Variants in GNA13 observed in about 807,000 individuals in gnomAD.
GNA13 encodes guanine nucleotide-binding protein subunit alpha-13.
In GNA13, 4 loss-of-function variants were observed where a neutral mutation model predicts 33.5. The observed-to-expected ratio is 0.12, with a 90% CI of 0.06 to 0.27. GNA13 has a LOEUF of 0.27. GNA13 is among the 10% of genes least tolerant of loss of function. GNA13 has a pLI of 1.00. For missense variants in GNA13, 319 were observed against 487.2 expected, an observed-to-expected ratio of 0.65 and a Z score of 3.25; for synonymous variants, 176 against 183.8, an observed-to-expected ratio of 0.96 and a Z score of 0.34.
At chr17:65,015,382 G>A (rs1038280391) in intron 3 of GNA13, among the ~76,000 whole-genome samples, 1 of 151,976 alleles carries the variant, frequency 6.6e-6, no homozygotes, top group East Asian at 1.9e-4. Context: ...AGCAATGGGG[G>A]CTGGGCGCGA....
At chr17:65,024,248 T>C (rs141459667) in intron 2 of GNA13, among the ~76,000 whole-genome samples, 1 of 152,198 alleles carries the variant, frequency 6.6e-6, no homozygotes, top group Non-Finnish European at 1.5e-5. Context: ...CAAGACCTTC[T>C]CCAAAAAATA....
intron 2 of GNA13, among the ~76,000 whole-genome samples, chr17:65,029,327 A>G (rs1306343902): frequency 6.6e-6 from 1 of 152,024 alleles, no homozygotes; most frequent in Non-Finnish European, 1.5e-5. Flanking sequence ...TCTGCCTAAC[A>G]CCATTTCCCC....
At chr17:65,024,702 G>A (rs1044420894) in intron 2 of GNA13, among the ~76,000 whole-genome samples, 3 of 152,146 alleles carry the variant, frequency 2.0e-5, no homozygotes, top group Admixed American at 6.5e-5. Context: ...AGCAAGTTCC[G>A]AGAGAAGTGA....
Position 65,010,792 on chromosome 17 carries a change from G to A in GNA13, c.*3465C>T. 2 of 211,276 alleles carry A rather than the reference G, an allele frequency of 9.5e-6. No homozygotes were observed. Among genetic ancestry groups the A allele is most frequent in the African/African-American group, 2.3e-5 (1 of 44,240 alleles). 13.1% of individuals were successfully genotyped at this position (211,276 alleles called of 1,614,324 possible). On this transcript the variant is annotated 3_prime_UTR_variant, in exon 4 of 4. Transcript: ENST00000439174. ...GGCATGATTTCACGGATTCAAACAAGAAATTAACACTGATATTTAGCCTTC... is the reference window on the plus strand; with the variant it reads ...GGCATGATTTCACGGATTCAAACAAAAAATTAACACTGATATTTAGCCTTC...
At chr17:65,025,918 C>T (rs1287326275) in intron 2 of GNA13, among the ~76,000 whole-genome samples, 1 of 151,610 alleles carries the variant, frequency 6.6e-6, no homozygotes, top group East Asian at 1.9e-4. Flanking sequence ...CCTAGGAGTT[C>T]AAGACTGCAG....
chr17:65,027,562 T>C (rs1231541890), intron 2 of GNA13, among the ~76,000 whole-genome samples: 1 of 152,228 alleles, frequency 6.6e-6, no homozygotes, highest in Non-Finnish European at 1.5e-5. Flanking sequence ...TCTGTGTACT[T>C]GTTTTATTTC....
rs1357700388 is a variant in GNA13 at position 65,010,830 on chromosome 17, C to G, written c.*3427G>C. ...ATATTTAGCCTTCTCATGACATACA[C>G]AGAAATAACATTGCTACAAACTGCA... On this transcript the variant is annotated 3_prime_UTR_variant, in exon 4 of 4. Coordinates refer to ENST00000439174, the MANE Select transcript of GNA13 (RefSeq NM_006572.6). The G allele has an allele frequency of 4.8e-6, 1 of 210,216 alleles. No individual in the cohort carries two copies. The highest frequency in any genetic ancestry group is 2.3e-5 in the African/African-American group (1 of 44,104). The allele number at this position is 210,216 out of a possible 1,614,324, so 13.0% of individuals were successfully genotyped here.
chr17:65,014,088 C>T lies in GNA13; in HGVS notation c.*169G>A. On this transcript the variant is annotated 3_prime_UTR_variant, in exon 4 of 4. Coordinates refer to ENST00000439174, the MANE Select transcript of GNA13 (RefSeq NM_006572.6). The surrounding 1 kb of genome is among the most constrained non-coding windows in gnomAD (Gnocchi z 5.3). ...ATCTTGGCGATGAGTCACTCAACAGCTTTCAGCCACAAACCAAAGGCCGCA... is the reference window on the plus strand; with the variant it reads ...ATCTTGGCGATGAGTCACTCAACAGTTTTCAGCCACAAACCAAAGGCCGCA... The T allele has an allele frequency of 1.7e-6, 1 of 583,562 alleles. No homozygotes were observed. Among genetic ancestry groups the T allele is most frequent in the Non-Finnish European group, 3.0e-6 (1 of 329,562 alleles). 36.1% of individuals were successfully genotyped at this position (583,562 alleles called of 1,614,324 possible).
chr17:65,017,179 T>C (rs1228611696), intron 3 of GNA13, among the ~76,000 whole-genome samples: 1 of 152,212 alleles, frequency 6.6e-6, no homozygotes, highest in Non-Finnish European at 1.5e-5. Context: ...AACATACACC[T>C]ATGCCAGCTC....
chr17:65,014,505 G>C lies in GNA13; in HGVS notation c.886C>G (p.Leu296Val). The C allele has an allele frequency of 6.2e-7, 1 of 1,613,638 alleles. No individual in the cohort carries two copies. The highest frequency in any genetic ancestry group is 8.5e-7 in the Non-Finnish European group (1 of 1,179,542). ...CTCACAATTTGCACCTTCTCCTCAA[G>C]CAAGTCTGTCTTGTTTAAGAACAGA... ...IILFLNKTDLLEEKVQIVSIK... is the reference protein window; with the variant it reads ...IILFLNKTDLVEEKVQIVSIK... Residue 296 changes from leucine to valine, a missense_variant, in exon 4 of 4, where the codon CTT becomes GTT. This residue lies in a region of GNA13 where 134 missense variants were observed against 241.3 expected (regional missense o/e 0.56). Coordinates refer to ENST00000439174, the MANE Select transcript of GNA13 (RefSeq NM_006572.6). The surrounding 1 kb of genome is among the most constrained non-coding windows in gnomAD (Gnocchi z 5.3).
intron 1 of GNA13, among the ~76,000 whole-genome samples, chr17:65,054,280 A>G (rs1019861807): frequency 2.0e-5 from 3 of 152,270 alleles, no homozygotes; most frequent in African/African-American, 7.2e-5. Flanking sequence ...TTTAAGTTAC[A>G]GGATGGCCTT....
chr17:65,028,739 A>C (rs1434439085), intron 2 of GNA13, among the ~76,000 whole-genome samples: 1 of 152,056 alleles, frequency 6.6e-6, no homozygotes, highest in Non-Finnish European at 1.5e-5. Context: ...AGGAATACAG[A>C]TCAAACTATC....
chr17:65,056,244 GCCCCGCACCCGCCGCCGCCCCA>G, intron 1 of GNA13, 45 bp downstream of exon 1: 10 of 1,032,456 alleles, frequency 9.7e-6, no homozygotes, highest in Non-Finnish European at 1.2e-5. Context: ...GCGGTGCCCC[GCCCCGCACCCGCCGCCGCCCCA>G]GCCCCCCTGC....
In GNA13 at chr17:65,056,285, C is replaced by T. The variant is rs542536309; in HGVS notation, c.283+26G>A. On this transcript the variant is annotated intron_variant, in intron 1 of 3. Transcript: ENST00000439174. The stretch of plus-strand genomic sequence containing the variant: ...CGCCCCAGCCCCCCTGCCCTTAACC[C>T]CCGGCCCCCATTCCCGGCCCGGCAC... 1.9e-6 allele frequency: 3 copies of T among 1,568,668 alleles called. No homozygotes were observed. In the South Asian group the frequency reaches 3.4e-5, roughly 18 times the overall value.
intron 2 of GNA13, among the ~76,000 whole-genome samples, chr17:65,048,196 G>A (rs1207495589): frequency 6.6e-6 from 1 of 152,078 alleles, no homozygotes; most frequent in African/African-American, 2.4e-5. Flanking sequence ...TACGTAACAA[G>A]TGTTGCCTTA....
rs1906277287 is a variant in GNA13, at chr17:65,013,969, C to A, written c.*288G>T. 2.7e-6 allele frequency: 1 copy of A among 368,406 alleles called. No homozygotes were observed. The highest frequency in any genetic ancestry group is 4.9e-6 in the Non-Finnish European group (1 of 202,814). 22.8% of individuals were successfully genotyped at this position (368,406 alleles called of 1,614,324 possible). A position where few individuals can be genotyped will look rare whatever the true frequency, so the allele number is the denominator to read the frequency against. On this transcript the variant is annotated 3_prime_UTR_variant, in exon 4 of 4. Coordinates refer to ENST00000439174, the MANE Select transcript of GNA13 (RefSeq NM_006572.6). ...GTTTGGAAAGTAGAATAATTTAAAG[C>A]CTGAAATATGCCTAGTCTGAGGTCA...
At chr17:65,034,411 G>A (rs990501180) in intron 2 of GNA13, among the ~76,000 whole-genome samples, 7 of 147,460 alleles carry the variant, frequency 4.7e-5, no homozygotes, top group Non-Finnish European at 1.0e-4. Flanking sequence ...GTCTTTTCCT[G>A]CCTCAGCCTC....
intron 2 of GNA13, among the ~76,000 whole-genome samples, chr17:65,050,482 A>G (rs1285805335): frequency 6.6e-6 from 1 of 152,194 alleles, no homozygotes; most frequent in Admixed American, 6.5e-5. Context: ...TAATCCCAAC[A>G]TTTTGGGAAG....
chr17:65,026,503 T>C (rs1053959167), intron 2 of GNA13, among the ~76,000 whole-genome samples: 1 of 152,204 alleles, frequency 6.6e-6, no homozygotes, highest in Non-Finnish European at 1.5e-5. Flanking sequence ...ATATAGGCTG[T>C]AAAATAAAGC....
Sources: gnomAD v4.1 joint callset for allele counts (sites outside exome capture counted in the v4.1 genomes callset) on GRCh38, gnomAD v4.1.1 for gene constraint, gnomAD v4.1.1 regional missense constraint, Gnocchi (gnomAD v3.1) non-coding constraint, MANE v1.5 for transcripts, NCBI Gene and HGNC (gene_info 2026-07-23, HGNC 2026-07-21) for gene names.